MTMR14: variants seen among roughly 807,000 people sequenced by gnomAD.
MTMR14 encodes myotubularin related protein 14.
In MTMR14, 48 loss-of-function variants were observed where a neutral mutation model predicts 86.3. The ratio of observed to expected loss-of-function variants is 0.56; its 90% CI spans 0.44 to 0.71. The LOEUF (loss-of-function observed/expected upper bound fraction) is 0.71, where lower values mean the gene tolerates loss of function less well. Ranked by LOEUF, MTMR14 falls within the 30% of genes least tolerant of loss-of-function variation. MTMR14 has a pLI of 0.00. For synonymous variants in MTMR14, 366 were observed against 326.1 expected (o/e 1.12, Z -1.32); for missense variants, 780 against 834.6 (o/e 0.93, Z 0.81).
At chr3:9,653,587 TTC>T (rs1167008118) in intron 1 of MTMR14, 32 bp from the exon 2 acceptor site, 1 of 1,613,860 alleles carries the variant, frequency 6.2e-7, no homozygotes, top group Non-Finnish European at 8.5e-7. Context: ...AACCCCAGAA[TTC>T]TCTTTGTGTT....
intron 17 of MTMR14, among the ~76,000 whole-genome samples, chr3:9,695,041 G>A (rs1302498939): frequency 6.6e-6 from 1 of 152,222 alleles, no homozygotes. Flanking sequence ...CTCCAGTCCT[G>A]TAGTGGGAGA....
chr3:9,675,452 C>T (rs141440372), intron 7 of MTMR14: 2 of 386,666 alleles, frequency 5.2e-6, no homozygotes, highest in African/African-American at 2.1e-5. Flanking sequence ...CTTTGAGGCT[C>T]ATACAGGTAC....
chr3:9,690,395 G>A (rs7615761), intron 17 of MTMR14, among the ~76,000 whole-genome samples: 1 of 152,194 alleles, frequency 6.6e-6, no homozygotes, highest in South Asian at 2.1e-4. Context: ...TATGTGATAG[G>A]TGGGGAATAG....
chr3:9,694,340 T>C (rs940806542), intron 17 of MTMR14, among the ~76,000 whole-genome samples: 8 of 152,134 alleles, frequency 5.3e-5, no homozygotes, highest in African/African-American at 1.7e-4. Flanking sequence ...TCCCGTAAGT[T>C]TGGGTTAAAA....
Position 9,701,721 on chromosome 3 carries a change from AG to A in MTMR14, c.1770-66del. 69 of 1,533,378 alleles carry A rather than the reference AG, an allele frequency of 4.5e-5. No individual in the cohort carries two copies. Among genetic ancestry groups the A allele is most frequent in the Non-Finnish European group, 5.7e-5 (64 of 1,114,726 alleles). The allele number at this position is 1,533,378 out of a possible 1,614,324, so 95.0% of individuals were successfully genotyped here. ...GCACAAGGACAGGTGGTATGGAGGG[AG>A]GGAGGATGAGGATACTGGGTCCTGT... On this transcript the variant is annotated intron_variant, in intron 18 of 18. Coordinates refer to ENST00000296003, the MANE Select transcript of MTMR14 (RefSeq NM_001077525.3). The surrounding 1 kb of genome is among the most constrained non-coding windows in gnomAD (Gnocchi z 4.2).
chr3:9,685,475 G>A (rs904827419), intron 13 of MTMR14, among the ~76,000 whole-genome samples: 2 of 152,168 alleles, frequency 1.3e-5, no homozygotes, highest in African/African-American at 2.4e-5. Flanking sequence ...AAGCCCACAC[G>A]TCGGGGTGAG....
At position 9,687,910 on chromosome 3, in the gene MTMR14, G is replaced by A. The variant is rs375437564; in HGVS notation, c.1235+19G>A. On this transcript the variant is annotated intron_variant, in intron 14 of 18. Coordinates refer to ENST00000296003, the MANE Select transcript of MTMR14 (RefSeq NM_001077525.3). ...CCCAGAGGTAAGTGGAGGCCTGCACGTGTCATGCTGGGCCAGGGCGCTCTG... is the reference window on the plus strand; with the variant it reads ...CCCAGAGGTAAGTGGAGGCCTGCACATGTCATGCTGGGCCAGGGCGCTCTG... The A allele has an allele frequency of 3.4e-5, 53 of 1,576,420 alleles. No individual in the cohort carries two copies. Among genetic ancestry groups the A allele is most frequent in the South Asian group, 3.3e-4 (29 of 86,982 alleles).
chr3:9,695,890 G>A (rs1359795366), intron 17 of MTMR14, among the ~76,000 whole-genome samples: 1 of 152,228 alleles, frequency 6.6e-6, no homozygotes, highest in Non-Finnish European at 1.5e-5. Context: ...AGGGGGCACA[G>A]GGCAGGCTGC....
Position 9,677,217 on chromosome 3 carries a change from C to G in MTMR14, c.752-100C>G. The G allele has an allele frequency of 9.6e-7, 1 of 1,041,494 alleles. No individual in the cohort carries two copies. Among genetic ancestry groups the G allele is most frequent in the Non-Finnish European group, 1.5e-6 (1 of 676,786 alleles). The allele number at this position is 1,041,494 out of a possible 1,614,324, so 64.5% of individuals were successfully genotyped here. On this transcript the variant is annotated intron_variant, in intron 7 of 18. Transcript: ENST00000296003. This position sits in a 1 kb window ranked among gnomAD's most constrained non-coding sequence, Gnocchi z 4.2. Reference sequence around the variant, plus strand: ...GCTTGGAGAAGTGTGAGTTGGCGGCCCCCTCTCCACAGCACTCAGGGACCT... The same window carrying G: ...GCTTGGAGAAGTGTGAGTTGGCGGCGCCCTCTCCACAGCACTCAGGGACCT...
chr3:9,663,625 T>G (rs893308074), intron 3 of MTMR14, among the ~76,000 whole-genome samples: 3 of 149,040 alleles, frequency 2.0e-5, no homozygotes, highest in Non-Finnish European at 4.4e-5. Context: ...GCCATTCTCC[T>G]GCCTTAGCCT....
intron 2 of MTMR14, among the ~76,000 whole-genome samples, chr3:9,658,704 G>T (rs963455276): frequency 2.0e-5 from 3 of 152,170 alleles, no homozygotes; most frequent in African/African-American, 7.2e-5. Context: ...GGTAAGTGAG[G>T]ACTGAGTGAG....
chr3:9,674,974 G>A (rs562585190), intron 7 of MTMR14, among the ~76,000 whole-genome samples: 4 of 152,360 alleles, frequency 2.6e-5, no homozygotes, highest in African/African-American at 4.8e-5. Context: ...AGCCGGGCGC[G>A]GTGGCGCATG....
Position 9,672,727 on chromosome 3 carries a change from C to T in MTMR14, c.720C>T (p.Ala240=), listed in dbSNP as rs747380620. ...AGGTGGACAAAGCCCAGCGCTATGC[C>T]GACTTCACTCTCCTCTCCATCCCGT... ...SEKVDKAQRY[A]DFTLLSIPYP... is the part of the protein sequence containing the mutation. The change falls in exon 7 of 19, where the codon GCC becomes GCT. Residue 240 remains alanine (A), a synonymous_variant. Transcript: ENST00000296003. 33 of 1,614,140 alleles carry T rather than the reference C, an allele frequency of 2.0e-5. No homozygotes were observed. Among genetic ancestry groups the T allele is most frequent in the South Asian group, 5.5e-5 (5 of 91,084 alleles).
chr3:9,681,794 A>G (rs1208448626), intron 9 of MTMR14, among the ~76,000 whole-genome samples: 2 of 151,856 alleles, frequency 1.3e-5, no homozygotes, highest in Non-Finnish European at 2.9e-5. Context: ...GTGATTAAGA[A>G]TGTGGACTTT....
chr3:9,697,872 T>A lies in MTMR14; in HGVS notation c.1769+6T>A. The A allele has an allele frequency of 6.2e-7, 1 of 1,614,080 alleles. No homozygotes were observed. The highest frequency in any genetic ancestry group is 8.5e-7 in the Non-Finnish European group (1 of 1,180,020). On this transcript the variant is annotated splice_donor_region_variant and intron_variant, in intron 18 of 18. Transcript: ENST00000296003. Reference sequence around the variant, plus strand: ...GAGCTCCCTAACAGTTGTCTGTAAGTGTCTTGCTTGAGAAGGCAGGATGCT... The same window carrying A: ...GAGCTCCCTAACAGTTGTCTGTAAGAGTCTTGCTTGAGAAGGCAGGATGCT...
chr3:9,671,037 CTTTA>C lies in MTMR14; in HGVS notation c.555-7_555-4del. On this transcript the variant is annotated splice_region_variant and splice_polypyrimidine_tract_variant and intron_variant, in intron 5 of 18. Coordinates refer to ENST00000296003, the MANE Select transcript of MTMR14 (RefSeq NM_001077525.3). ...TGCCATGTAACTTCTCCCTCTGGCT[CTTTA>C]TTTCAGAAGTGGTGACACGCATCTT... is the stretch of plus-strand genomic sequence containing the variant. 6.2e-7 allele frequency: 1 copy of C among 1,614,084 alleles called. No individual in the cohort carries two copies. The highest frequency in any genetic ancestry group is 8.5e-7 in the Non-Finnish European group (1 of 1,179,986).
intron 4 of MTMR14, 98 bp from the exon 5 acceptor site, chr3:9,669,334 C>A: frequency 8.1e-7 from 1 of 1,234,340 alleles, no homozygotes. Context: ...TAGTCCCAGC[C>A]CACCCTTGGC....
chr3:9,691,168 C>T (rs751219762), intron 17 of MTMR14, among the ~76,000 whole-genome samples: 2 of 152,216 alleles, frequency 1.3e-5, no homozygotes, highest in Non-Finnish European at 2.9e-5. Context: ...CTGCACTGCC[C>T]ACAGGGGCCC....
chr3:9,663,312 A>G lies in MTMR14; in HGVS notation c.417+937A>G, dbSNP rs1454299041. ...TCAGTCCCTGGTGTGCCTTTTTTGT[A>G]AATTGGGAAAGAGGAGGAAGGAAGG... is the stretch of plus-strand genomic sequence containing the variant. On this transcript the variant is annotated intron_variant, in intron 3 of 18. Transcript: ENST00000296003. Among the ~76,000 whole-genome samples the G allele has an allele frequency of 5.9e-5, 9 of 151,874 alleles. No homozygotes were observed. In the East Asian group the frequency reaches 1.7e-3, roughly 29 times the overall value.
Sources: gnomAD v4.1 joint callset for allele counts (sites outside exome capture counted in the v4.1 genomes callset) on GRCh38, gnomAD v4.1.1 for gene constraint, Gnocchi (gnomAD v3.1) non-coding constraint, MANE v1.5 for transcripts, NCBI Gene and HGNC (gene_info 2026-07-23, HGNC 2026-07-21) for gene names.